The following MARCHF8 variants were observed in gnomAD, a reference collection of about 807,000 sequenced individuals.
MARCHF8 encodes membrane associated ring-CH-type finger 8, also known as E3 ubiquitin-protein ligase MARCHF8.
A neutral mutation model predicts 51.6 loss-of-function variants in MARCHF8; 40 were observed. The observed-to-expected ratio is 0.77, with a 90% confidence interval of 0.60 to 1.01. The LOEUF (loss-of-function observed/expected upper bound fraction) is 1.01. Ranked by LOEUF, MARCHF8 falls within the 50% of genes least tolerant of loss-of-function variation. The probability of loss-of-function intolerance (pLI) is 0.00; values close to 1 mark genes in which losing one functional copy is unlikely to be tolerated. For missense variants in MARCHF8, 685 were observed against 708.6 expected (o/e 0.97, Z 0.38); for synonymous variants, 263 against 280.3 (o/e 0.94, Z 0.62).
intron 1 of MARCHF8, among the ~76,000 whole-genome samples, chr10:45,555,743 C>CAAAAAAAA (rs34811393): frequency 1.0e-5 from 1 of 96,158 alleles, no homozygotes. Context: ...GACCCTGTCT[C>CAAAAAAAA]AAAAAAAAAA....
intron 1 of MARCHF8, among the ~76,000 whole-genome samples, chr10:45,571,869 C>T (rs1301083588): frequency 6.6e-6 from 1 of 152,180 alleles, no homozygotes; most frequent in Non-Finnish European, 1.5e-5. Flanking sequence ...CATGTTTTAT[C>T]CGTGGACCCA....
intron 5 of MARCHF8, among the ~76,000 whole-genome samples, chr10:45,462,557 C>T (rs1842822270): frequency 6.6e-6 from 1 of 151,736 alleles, no homozygotes; most frequent in Non-Finnish European, 1.5e-5. Flanking sequence ...GCAAAGTCTA[C>T]TTATTTTTAG....
chr10:45,585,454 G>A (rs72798221), intron 1 of MARCHF8, among the ~76,000 whole-genome samples: 2,183 of 152,138 alleles, frequency 0.014, 19 homozygotes, highest in Non-Finnish European at 0.023. Context: ...AATCTCATAC[G>A]GAATAAAAAA....
At position 45,491,395 on chromosome 10, in the gene MARCHF8, G is replaced by A. The variant is rs191073581; in HGVS notation, c.103-1978C>T. Among the ~76,000 whole-genome samples the A allele has an allele frequency of 8.1e-4, 123 of 152,122 alleles. No individual in the cohort carries two copies. The Middle Eastern group carries it at 0.01, about 13-fold the overall frequency. ...TCTACTAAAAATACAAAAATTAGCC[G>A]GGCATGGTGGCACGTGCCTATAATC... On this transcript the variant is annotated intron_variant, in intron 2 of 7. Coordinates refer to ENST00000453424, the MANE Select transcript of MARCHF8 (RefSeq NM_001282866.2).
chr10:45,532,987 T>C, intron 2 of MARCHF8, 123 bp downstream of exon 2: 1 of 634,338 alleles, frequency 1.6e-6, no homozygotes, highest in African/African-American at 1.9e-5. Flanking sequence ...GTACAACTAT[T>C]TGTGTGCTTG....
chr10:45,464,242 C>A lies in MARCHF8; in HGVS notation c.239G>T (p.Cys80Phe). The stretch of plus-strand genomic sequence containing the variant: ...AGCATCTGAAGCAGAGTGTTACCTG[C>A]AGATGTCCTGGCTGGATGGCGTGAT... ...TSITPSSQDI[C>F]SSSAVFSECC... is the part of the protein sequence containing the mutation. The change falls in exon 4 of 8, where the codon TGC becomes TTC. Residue 80 changes from cysteine (C) to phenylalanine (F), a missense_variant. Coordinates refer to ENST00000453424, the MANE Select transcript of MARCHF8 (RefSeq NM_001282866.2). 6.2e-7 allele frequency: 1 copy of A among 1,614,038 alleles called. No homozygotes were observed. The highest frequency in any genetic ancestry group is 2.2e-5 in the East Asian group (1 of 44,886).
Position 45,474,392 on chromosome 10 carries a change from T to C in MARCHF8, c.154-10065A>G, listed in dbSNP as rs191055985. Among the ~76,000 whole-genome samples the C allele has an allele frequency of 1.1e-3, 167 of 151,894 alleles. 2 individuals carry two copies. In the Middle Eastern group the frequency reaches 0.017, roughly 16 times the overall value. ...ATGGCTTCCTGGTACCCCGAGACAATGGCCCCTTGACAGGCAGAGGCTCAC... is the reference window on the plus strand; with the variant it reads ...ATGGCTTCCTGGTACCCCGAGACAACGGCCCCTTGACAGGCAGAGGCTCAC... On this transcript the variant is annotated intron_variant, in intron 3 of 7. Coordinates refer to ENST00000453424, the MANE Select transcript of MARCHF8 (RefSeq NM_001282866.2).
At chr10:45,578,087 CAT>C (rs756775479) in intron 1 of MARCHF8, among the ~76,000 whole-genome samples, 2 of 152,138 alleles carry the variant, frequency 1.3e-5, no homozygotes, top group Non-Finnish European at 2.9e-5. Flanking sequence ...CACAAACAAA[CAT>C]ATCCTAGCTG....
intron 2 of MARCHF8, among the ~76,000 whole-genome samples, chr10:45,516,594 T>C (rs2043622805): frequency 6.6e-6 from 1 of 152,278 alleles, no homozygotes; most frequent in African/African-American, 2.4e-5. Context: ...CGAAACCCTA[T>C]TTCTACTAAA....
At chr10:45,536,055 C>T (rs1175252755), upstream of MARCHF8, among the ~76,000 whole-genome samples, 1 of 152,134 alleles carries the variant, frequency 6.6e-6, no homozygotes, top group Non-Finnish European at 1.5e-5. Flanking sequence ...ATTTGACAAG[C>T]TGATCTGAAA....
Position 45,514,257 on chromosome 10 carries a change from C to T in MARCHF8, c.102+18853G>A, listed in dbSNP as rs151084597. Among the ~76,000 whole-genome samples, 318 of 152,358 alleles carry T rather than the reference C, an allele frequency of 2.1e-3. 2 individuals are homozygous for T. Among genetic ancestry groups the T allele is most frequent in the African/African-American group, 7.2e-3 (300 of 41,584 alleles). ...TCCTTGAGCAACTCTGGGTTCTACA[C>T]GTCTGTTCCATAAAGCCTAATGGCA... On this transcript the variant is annotated intron_variant, in intron 2 of 7. Transcript: ENST00000453424.
intron 1 of MARCHF8, among the ~76,000 whole-genome samples, chr10:45,583,704 C>T (rs1297493028): frequency 6.6e-6 from 1 of 151,908 alleles, no homozygotes; most frequent in Non-Finnish European, 1.5e-5. Flanking sequence ...TATTAAAATA[C>T]CCAGTATAAC....
At chr10:45,494,911 G>T (rs2043144645) in intron 2 of MARCHF8, among the ~76,000 whole-genome samples, 1 of 152,202 alleles carries the variant, frequency 6.6e-6, no homozygotes, top group Non-Finnish European at 1.5e-5. Context: ...CCTGAGGTCA[G>T]GAGTTCGAGA....
intron 1 of MARCHF8, among the ~76,000 whole-genome samples, chr10:45,542,066 C>T (rs1388091332): frequency 4.6e-5 from 7 of 152,164 alleles, no homozygotes; most frequent in Admixed American, 1.3e-4. Flanking sequence ...AACTCCTAGG[C>T]CGGGCGCAGT....
intron 1 of MARCHF8, among the ~76,000 whole-genome samples, chr10:45,581,767 A>T (rs2044557947): frequency 6.6e-6 from 1 of 152,162 alleles, no homozygotes; most frequent in South Asian, 2.1e-4. Flanking sequence ...CAGTTGTGGC[A>T]ACTAAAAACT....
Position 45,584,006 on chromosome 10 carries a change from CAAAAAAA to C in MARCHF8, c.-79+10222_-79+10228del, listed in dbSNP as rs67624741. 2.5e-3 allele frequency among the ~76,000 whole-genome samples: 133 copies of C among 53,046 alleles called. 1 individual carries two copies. Among genetic ancestry groups the C allele is most frequent in the Admixed American group, 4.9e-3 (23 of 4,668 alleles). The allele number at this position is 53,046 out of a possible 152,430, so 34.8% of individuals were successfully genotyped here. A position where few individuals can be genotyped will look rare whatever the true frequency, so the allele number is the denominator to read the frequency against. ...GGGTGACAGAGCGAGACTTCATTTC[CAAAAAAA>C]AAAAAAAAAAAAAAGGAGGAAAGGA... On this transcript the variant is annotated intron_variant, in intron 1 of 6. Transcript: ENST00000319836.
At chr10:45,594,162 A>G (rs2044710539) in intron 1 of MARCHF8, 1 of 152,270 alleles carries the variant, frequency 6.6e-6, no homozygotes, top group Non-Finnish European at 1.5e-5. Flanking sequence ...GTGGACAGGA[A>G]TACGAATCGT....
intron 1 of MARCHF8, among the ~76,000 whole-genome samples, chr10:45,544,063 G>A (rs36109121): frequency 0.062 from 9,369 of 151,722 alleles, 330 homozygotes; most frequent in Non-Finnish European, 0.067. Flanking sequence ...ATGAGACCCC[G>A]TCTCTAAAAA....
At position 45,585,434 on chromosome 10, in the gene MARCHF8, A is replaced by G. The variant is rs371200152; in HGVS notation, c.-79+8801T>C. ...GAACTACGGCCATACAAAAATATGA[A>G]TGAGTCTCAAATCTCATACGGAATA... is the stretch of plus-strand genomic sequence containing the variant. On this transcript the variant is annotated intron_variant, in intron 1 of 6. Transcript: ENST00000319836. Among the ~76,000 whole-genome samples, 5 of 152,236 alleles carry G rather than the reference A, an allele frequency of 3.3e-5. No individual in the cohort carries two copies. The East Asian group carries it at 5.8e-4, about 18-fold the overall frequency.
Sources: gnomAD v4.1 joint callset for allele counts (sites outside exome capture counted in the v4.1 genomes callset) on GRCh38, gnomAD v4.1.1 for gene constraint, MANE v1.5 for transcripts, NCBI Gene and HGNC (gene_info 2026-07-23, HGNC 2026-07-21) for gene names.